CALN1: variants seen among roughly 807,000 people sequenced by gnomAD.
The protein encoded by CALN1 is calcium-binding protein 8.
In CALN1, 17 loss-of-function variants were observed where a neutral mutation model predicts 30.6. The ratio of observed to expected loss-of-function variants is 0.56; its 90% CI spans 0.38 to 0.83. The LOEUF is 0.83. Ranked by LOEUF, CALN1 falls within the 40% of genes least tolerant of loss-of-function variation. The pLI, the probability that CALN1 is intolerant of heterozygous loss-of-function variation, is 0.00. For synonymous variants in CALN1, 156 were observed against 131.4 expected, an observed-to-expected ratio of 1.19 and a Z score of -1.28; for missense variants, 291 against 354.9, an observed-to-expected ratio of 0.82 and a Z score of 1.45.
chr7:72,437,788 T>C (rs1268571733), intron 1 of CALN1, among the ~76,000 whole-genome samples: 3 of 139,708 alleles, frequency 2.1e-5, no homozygotes, highest in Non-Finnish European at 4.7e-5. Context: ...CCTCCCTTCC[T>C]TCCTTTCCTT....
intron 3 of CALN1, among the ~76,000 whole-genome samples, chr7:72,171,703 C>A (rs1400840567): frequency 6.6e-6 from 1 of 152,124 alleles, no homozygotes; most frequent in Admixed American, 6.5e-5. Flanking sequence ...GTACCAGGTC[C>A]TGTTCATTTA....
At chr7:72,447,222 A>G (rs73366920), upstream of CALN1, 2,463 of 152,658 alleles carry the variant, frequency 0.016, 59 homozygotes, top group African/African-American at 0.055. Flanking sequence ...AAAGGGCTAG[A>G]GTCCCAATTT....
intron 3 of CALN1, among the ~76,000 whole-genome samples, chr7:72,217,163 T>C (rs1396551508): frequency 6.6e-6 from 1 of 152,262 alleles, no homozygotes; most frequent in East Asian, 1.9e-4. Flanking sequence ...GGTGCAGGCA[T>C]TGTCCCACAC....
At chr7:72,419,637 A>G (rs1807544923) in intron 1 of CALN1, among the ~76,000 whole-genome samples, 1 of 152,170 alleles carries the variant, frequency 6.6e-6, no homozygotes, top group Non-Finnish European at 1.5e-5. Context: ...AAGTGGAAAC[A>G]GCTGGCCCAA....
rs770286700 is a variant in CALN1, at chr7:72,181,486, C to CTT, written c.245-75194_245-75193dup. Among the ~76,000 whole-genome samples, 89 of 94,304 alleles carry CTT rather than the reference C, an allele frequency of 9.4e-4. 1 individual carries two copies. Among genetic ancestry groups the CTT allele is most frequent in the South Asian group, 5.2e-3 (17 of 3,296 alleles). 61.9% of individuals were successfully genotyped at this position (94,304 alleles called of 152,430 possible). On this transcript the variant is annotated intron_variant, in intron 3 of 6. Transcript: ENST00000395275. ...TAGCTCATAGTAAGGATTTCCATAA[C>CTT]TTTTTTTTTTTTTTGAGAGTCTTGC... is the stretch of plus-strand genomic sequence containing the variant.
At chr7:72,090,679 G>A (rs2129539731) in intron 4 of CALN1, among the ~76,000 whole-genome samples, 1 of 152,274 alleles carries the variant, frequency 6.6e-6, no homozygotes, top group East Asian at 1.9e-4. Flanking sequence ...ATCTATCCAA[G>A]TGTCCATCAA....
At chr7:71,805,517 G>A (rs928189032) in intron 6 of CALN1, among the ~76,000 whole-genome samples, 2 of 152,156 alleles carry the variant, frequency 1.3e-5, no homozygotes, top group African/African-American at 2.4e-5. Flanking sequence ...ACTTGGGATG[G>A]AGGGAGCAGA....
intron 5 of CALN1, among the ~76,000 whole-genome samples, chr7:71,981,022 C>T (rs1382178086): frequency 6.6e-6 from 1 of 152,086 alleles, no homozygotes; most frequent in African/African-American, 2.4e-5. Flanking sequence ...CAGGACACCG[C>T]CACACTGCCC....
chr7:72,299,372 CTATT>C (rs1799089777), intron 2 of CALN1, among the ~76,000 whole-genome samples: 1 of 151,928 alleles, frequency 6.6e-6, no homozygotes, highest in African/African-American at 2.4e-5. Context: ...CAATAAGAGA[CTATT>C]TAAGAGGAGA....
At chr7:72,216,293 G>A (rs1342407057) in intron 3 of CALN1, among the ~76,000 whole-genome samples, 1 of 151,898 alleles carries the variant, frequency 6.6e-6, no homozygotes, top group Non-Finnish European at 1.5e-5. Flanking sequence ...GAGCGTGGTG[G>A]TGTGCACCTG....
At chr7:72,391,642 C>G (rs963391469) in intron 2 of CALN1, among the ~76,000 whole-genome samples, 1 of 152,126 alleles carries the variant, frequency 6.6e-6, no homozygotes, top group Non-Finnish European at 1.5e-5. Context: ...ATACTGTTCT[C>G]GTGGTAGTGA....
intron 2 of CALN1, among the ~76,000 whole-genome samples, chr7:72,369,433 C>T (rs998281033): frequency 6.6e-5 from 10 of 151,208 alleles, no homozygotes; most frequent in Non-Finnish European, 1.0e-4. Context: ...GCAATCCCTG[C>T]TCACCTCAGC....
chr7:71,781,723 G>A lies in CALN1; in HGVS notation c.*6052C>T, dbSNP rs1562767794. On this transcript the variant is annotated 3_prime_UTR_variant, in exon 7 of 7. Transcript: ENST00000395275. The stretch of plus-strand genomic sequence containing the variant: ...TGGACAATAACTTCTAACAGTGCGA[G>A]AAACACTAGTTTGAAAGCCAACCCA... 6.6e-6 allele frequency: 1 copy of A among 152,192 alleles called. No homozygotes were observed. The highest frequency in any genetic ancestry group is 1.5e-5 in the Non-Finnish European group (1 of 68,054). 9.4% of individuals were successfully genotyped at this position (152,192 alleles called of 1,614,324 possible).
the CALN1 span, among the ~76,000 whole-genome samples, chr7:72,463,282 T>C: frequency 6.6e-6 from 1 of 152,174 alleles, no homozygotes; most frequent in Non-Finnish European, 1.5e-5. Flanking sequence ...CTACCACACC[T>C]GGCTAATTTC....
intron 3 of CALN1, among the ~76,000 whole-genome samples, chr7:72,222,716 A>G (rs989246779): frequency 3.3e-5 from 5 of 152,124 alleles, no homozygotes; most frequent in Admixed American, 6.6e-5. Flanking sequence ...GCCAGAAATC[A>G]CAAGCTAAAA....
At chr7:72,143,138 G>A (rs1381805452) in intron 3 of CALN1, among the ~76,000 whole-genome samples, 7 of 152,040 alleles carry the variant, frequency 4.6e-5, no homozygotes, top group East Asian at 1.9e-4. Context: ...TGACTTTGAC[G>A]AGTTGAGAGA....
chr7:71,918,041 AG>A (rs1371745403), intron 5 of CALN1, among the ~76,000 whole-genome samples: 1 of 152,186 alleles, frequency 6.6e-6, no homozygotes, highest in Admixed American at 6.5e-5. Context: ...ATTTTCCTCC[AG>A]TTTCCTCATC....
chr7:72,127,513 G>A (rs1275580720), intron 3 of CALN1, among the ~76,000 whole-genome samples: 2 of 152,198 alleles, frequency 1.3e-5, no homozygotes, highest in African/African-American at 4.8e-5. Context: ...AGAGCAGAGA[G>A]AGGCTGCTTC....
In CALN1 at chr7:72,319,861, G is replaced by A. The variant is rs1459914578; in HGVS notation, c.120-41051C>T. ...AATGGAGACTCAGAAAGGTAGGAGG[G>A]TGGGAGGGGATGAGAGATAAGAAAT... On this transcript the variant is annotated intron_variant, in intron 2 of 6. Transcript: ENST00000395275. 2.6e-5 allele frequency among the ~76,000 whole-genome samples: 4 copies of A among 152,168 alleles called. No individual in the cohort carries two copies. The East Asian group carries it at 7.7e-4, about 29-fold the overall frequency.
Sources: gnomAD v4.1 joint callset for allele counts (sites outside exome capture counted in the v4.1 genomes callset) on GRCh38, gnomAD v4.1.1 for gene constraint, MANE v1.5 for transcripts, NCBI Gene and HGNC (gene_info 2026-07-23, HGNC 2026-07-21) for gene names.